CLMP: variants seen among roughly 807,000 people sequenced by gnomAD.
The protein encoded by CLMP is CXADR like cell adhesion molecule, also known as CXADR-like membrane protein.
CLMP carries 27 observed loss-of-function variants against 45.2 expected under a neutral mutation model. That is an observed-to-expected ratio of 0.60 (90% CI 0.44 to 0.82). The LOEUF (loss-of-function observed/expected upper bound fraction) is 0.82, where lower values mean the gene tolerates loss of function less well. Among genes scored for constraint, CLMP ranks in the 40% least tolerant of loss-of-function variants. The probability of loss-of-function intolerance (pLI) is 0.00; values close to 1 mark genes in which losing one functional copy is unlikely to be tolerated. For synonymous variants in CLMP, 167 were observed against 171.4 expected, an observed-to-expected ratio of 0.97 and a Z score of 0.20; for missense variants, 403 against 448.4, an observed-to-expected ratio of 0.90 and a Z score of 0.91.
chr11:123,073,085 C>G lies in CLMP; in HGVS notation c.*389G>C, dbSNP rs1245070879. On this transcript the variant is annotated 3_prime_UTR_variant, in exon 7 of 7. Coordinates refer to ENST00000448775, the MANE Select transcript of CLMP (RefSeq NM_024769.5). ...TTTGCAGAAATGCATAGAAAATTTA[C>G]AAACAGCATCCCATTTCCTCTTGAA... 5.9e-6 allele frequency: 1 copy of G among 169,592 alleles called. No individual in the cohort carries two copies. The highest frequency in any genetic ancestry group is 5.7e-5 in the Admixed American group (1 of 17,422). The allele number at this position is 169,592 out of a possible 1,614,324, so 10.5% of individuals were successfully genotyped here. A position where few individuals can be genotyped will look rare whatever the true frequency, so the allele number is the denominator to read the frequency against.
intron 1 of CLMP, among the ~76,000 whole-genome samples, chr11:123,191,709 G>T (rs1022761178): frequency 6.6e-6 from 1 of 152,182 alleles, no homozygotes; most frequent in South Asian, 2.1e-4. Flanking sequence ...GCAGTCAAAG[G>T]TTAGTGATCT....
chr11:123,105,403 T>C (rs1017847893), intron 1 of CLMP, among the ~76,000 whole-genome samples: 1 of 122,190 alleles, frequency 8.2e-6, no homozygotes, highest in Non-Finnish European at 1.6e-5. Flanking sequence ...CTTCCTTCCT[T>C]CCTCTCTCTC....
intron 1 of CLMP, among the ~76,000 whole-genome samples, chr11:123,145,261 G>C (rs947741951): frequency 1.3e-5 from 2 of 151,936 alleles, no homozygotes; most frequent in Admixed American, 1.3e-4. Flanking sequence ...CATTGCTCTA[G>C]AGTGCTATTA....
At chr11:123,154,851 T>C (rs1486567238) in intron 1 of CLMP, among the ~76,000 whole-genome samples, 2 of 152,330 alleles carry the variant, frequency 1.3e-5, no homozygotes, top group Middle Eastern at 3.4e-3. Flanking sequence ...ATGAATATAA[T>C]GGGAAATGAA....
chr11:123,129,386 G>GAT (rs1284872192), intron 1 of CLMP, among the ~76,000 whole-genome samples: 2 of 135,978 alleles, frequency 1.5e-5, no homozygotes, highest in East Asian at 4.1e-4. Context: ...TATATCATAT[G>GAT]ATATATTATA....
At chr11:123,150,416 T>TAAGAAAGGAAGA (rs1861297567) in intron 1 of CLMP, among the ~76,000 whole-genome samples, 1 of 30,892 alleles carries the variant, frequency 3.2e-5, no homozygotes, top group African/African-American at 1.4e-4. Context: ...GGAAGGAAGG[T>TAAGAAAGGAAGA]AAGAAAGAAA....
chr11:123,179,106 A>G (rs149495083), intron 1 of CLMP, among the ~76,000 whole-genome samples: 118 of 152,290 alleles, frequency 7.7e-4, no homozygotes, highest in Non-Finnish European at 1.5e-3. Flanking sequence ...TTTTTAAAAC[A>G]TCGCTTTATA....
chr11:123,173,620 T>C (rs1861663293), intron 1 of CLMP, among the ~76,000 whole-genome samples: 1 of 152,210 alleles, frequency 6.6e-6, no homozygotes, highest in African/African-American at 2.4e-5. Context: ...TTGGCCACAT[T>C]TCTTAACCTC....
Position 123,178,160 on chromosome 11 carries a change from T to C in CLMP, c.28+16753A>G, listed in dbSNP as rs372712362. On this transcript the variant is annotated intron_variant, in intron 1 of 6. Transcript: ENST00000448775. ...TATTACAGGCATGAGCCATGGTGCC[T>C]GGGCCAAATCTTGTTTTTAAAAAGT... is the stretch of plus-strand genomic sequence containing the variant. Among the ~76,000 whole-genome samples the C allele has an allele frequency of 3.0e-4, 45 of 152,312 alleles. No homozygotes were observed. The Middle Eastern group carries it at 0.01, about 35-fold the overall frequency.
rs2135458624 is a variant in CLMP, at chr11:123,072,635, C to T, written c.*839G>A. 6.6e-6 allele frequency: 1 copy of T among 152,160 alleles called. No individual in the cohort carries two copies. Among genetic ancestry groups the T allele is most frequent in the East Asian group, 1.9e-4 (1 of 5,204 alleles). 9.4% of individuals were successfully genotyped at this position (152,160 alleles called of 1,614,324 possible). A position where few individuals can be genotyped will look rare whatever the true frequency, so the allele number is the denominator to read the frequency against. ...TGATAAATGACATGTTGTATTTTCT[C>T]CTTCCAGAAATATCTAGCAGGAAAG... is the stretch of plus-strand genomic sequence containing the variant. On this transcript the variant is annotated 3_prime_UTR_variant, in exon 7 of 7. Coordinates refer to ENST00000448775, the MANE Select transcript of CLMP (RefSeq NM_024769.5).
At chr11:123,123,107 T>C (rs1048400613) in intron 1 of CLMP, among the ~76,000 whole-genome samples, 1 of 152,090 alleles carries the variant, frequency 6.6e-6, no homozygotes, top group African/African-American at 2.4e-5. Context: ...CTGTGGTCTT[T>C]AAAAGCCACT....
chr11:123,122,862 A>G (rs1860837341), intron 1 of CLMP, among the ~76,000 whole-genome samples: 1 of 151,838 alleles, frequency 6.6e-6, no homozygotes, highest in African/African-American at 2.4e-5. Flanking sequence ...GGCATGTTGT[A>G]TTTAAGCTAT....
chr11:123,194,961 G>A lies in CLMP; in HGVS notation c.-21C>T. ...GACATCCCGATCCCCGGACGCGGGC[G>A]CTTCCCCGCTCAGCTGCTGCTTGGC... On this transcript the variant is annotated 5_prime_UTR_variant, in exon 1 of 7. Transcript: ENST00000448775. 2 of 1,611,058 alleles carry A rather than the reference G, an allele frequency of 1.2e-6. No homozygotes were observed. The highest frequency in any genetic ancestry group is 3.3e-5 in the Admixed American group (2 of 59,808).
intron 1 of CLMP, among the ~76,000 whole-genome samples, chr11:123,158,647 C>T (rs554631605): frequency 3.3e-5 from 5 of 152,196 alleles, no homozygotes; most frequent in Non-Finnish European, 1.5e-5. Context: ...TGATTATTTA[C>T]AGTCTCTAAA....
At position 123,095,409 on chromosome 11, in the gene CLMP, C is replaced by T. The variant is rs192492776; in HGVS notation, c.186+2386G>A. ...TTGGCCTCCTGAGTAGCTGGGATTACGGGCAGATGCCACCAGGCTTGGCTT... is the reference window on the plus strand; with the variant it reads ...TTGGCCTCCTGAGTAGCTGGGATTATGGGCAGATGCCACCAGGCTTGGCTT... On this transcript the variant is annotated intron_variant, in intron 2 of 6. Coordinates refer to ENST00000448775, the MANE Select transcript of CLMP (RefSeq NM_024769.5). 3.0e-3 allele frequency among the ~76,000 whole-genome samples: 453 copies of T among 152,066 alleles called. 3 individuals are homozygous for T. The highest frequency in any genetic ancestry group is 0.01 in the African/African-American group (427 of 41,494).
At chr11:123,094,611 C>T (rs781769115) in intron 2 of CLMP, among the ~76,000 whole-genome samples, 1 of 152,096 alleles carries the variant, frequency 6.6e-6, no homozygotes, top group Non-Finnish European at 1.5e-5. Context: ...TTGCTCAGGC[C>T]ATCTGGAACT....
At chr11:123,152,883 G>A (rs1861358309) in intron 1 of CLMP, among the ~76,000 whole-genome samples, 1 of 152,140 alleles carries the variant, frequency 6.6e-6, no homozygotes, top group African/African-American at 2.4e-5. Context: ...AACATACTCA[G>A]GAGGGCCTGG....
At position 123,091,311 on chromosome 11, in the gene CLMP, G is replaced by A. The variant is rs1340214850; in HGVS notation, c.186+6484C>T. Among the ~76,000 whole-genome samples, 3 of 152,108 alleles carry A rather than the reference G, an allele frequency of 2.0e-5. No homozygotes were observed. The East Asian group carries it at 5.8e-4, about 29-fold the overall frequency. ...GTAGAGATGGGGTTTCACCAGTTTG[G>A]CCAAGCTGGTCTCAAACCCCTGACC... On this transcript the variant is annotated intron_variant, in intron 2 of 6. Transcript: ENST00000448775.
At chr11:123,108,346 T>G (rs1220134255) in intron 1 of CLMP, among the ~76,000 whole-genome samples, 2 of 152,214 alleles carry the variant, frequency 1.3e-5, no homozygotes, top group African/African-American at 4.8e-5. Context: ...GCCAAAGGAA[T>G]GAAGCTTGCA....
Sources: gnomAD v4.1 joint callset for allele counts (sites outside exome capture counted in the v4.1 genomes callset) on GRCh38, gnomAD v4.1.1 for gene constraint, MANE v1.5 for transcripts, NCBI Gene and HGNC (gene_info 2026-07-23, HGNC 2026-07-21) for gene names.